Variants in LRRC41 observed in about 807,000 individuals in gnomAD.
The protein encoded by LRRC41 is leucine rich repeat containing 41.
Under a neutral mutation model 72.1 loss-of-function variants are expected in LRRC41, and 17 were observed. The ratio of observed to expected loss-of-function variants is 0.24; its 90% confidence interval spans 0.16 to 0.35. The LOEUF is 0.35. LRRC41 is among the 10% of genes least tolerant of loss of function. LRRC41 has a pLI of 1.00. For synonymous variants in LRRC41, 427 were observed against 431.0 expected, an observed-to-expected ratio of 0.99 and a Z score of 0.11; for missense variants, 759 against 1,065.0, an observed-to-expected ratio of 0.71 and a Z score of 4.00.
Position 46,280,619 on chromosome 1 carries a change from G to C in LRRC41, c.1757-59C>G. On this transcript the variant is annotated intron_variant, in intron 5 of 9. Transcript: ENST00000617190. ...CCATCTCTACCTCACTCCCATAGCAGGTCCCATCCTGTTCTTAAGGGATTC... is the reference window on the plus strand; with the variant it reads ...CCATCTCTACCTCACTCCCATAGCACGTCCCATCCTGTTCTTAAGGGATTC... 4 of 1,545,140 alleles carry C rather than the reference G, an allele frequency of 2.6e-6. No individual in the cohort carries two copies. The South Asian group carries it at 4.7e-5, about 18-fold the overall frequency.
Position 46,281,389 on chromosome 1 carries a change from T to G in LRRC41, c.1496-4A>C. 6.2e-7 allele frequency: 1 copy of G among 1,613,944 alleles called. No homozygotes were observed. Among genetic ancestry groups the G allele is most frequent in the Non-Finnish European group, 8.5e-7 (1 of 1,179,846 alleles). ...CGGAAGATGTTAGAGCCCAGGCCTATGGCAAGAAAGAGATTAAGTCAGAAC... is the reference window on the plus strand; with the variant it reads ...CGGAAGATGTTAGAGCCCAGGCCTAGGGCAAGAAAGAGATTAAGTCAGAAC... On this transcript the variant is annotated splice_region_variant and splice_polypyrimidine_tract_variant and intron_variant, in intron 4 of 9. Transcript: ENST00000617190.
Position 46,280,285 on chromosome 1 carries a change from T to G in LRRC41, c.1927A>C (p.Asn643His). 6.2e-7 allele frequency: 1 copy of G among 1,614,050 alleles called. No homozygotes were observed. Among genetic ancestry groups the G allele is most frequent in the Non-Finnish European group, 8.5e-7 (1 of 1,179,874 alleles). ...GLVLQTLKEY[N>H]LALKRLSFHD... is the part of the protein sequence containing the mutation. ...AAGCTCAGTCTTTTCAGGGCTAGGT[T>G]GTACTCTGGATAGGAGGCAGAGACC... Residue 643 changes from asparagine (N) to histidine (H), a missense_variant, in exon 7 of 10, where the codon AAC becomes CAC. This residue lies in a region of LRRC41 where 110 missense variants were observed against 227.0 expected (regional missense o/e 0.48). Coordinates refer to ENST00000617190, the MANE Select transcript of LRRC41 (RefSeq NM_006369.5).
At position 46,297,463 on chromosome 1, in the gene LRRC41, T is replaced by C. The variant is rs72883417; in HGVS notation, c.357+100A>G. Reference sequence around the variant, plus strand: ...CCCTCCTCCCAAATCCATTCCATCATTGCCTCTGCACTTTATCAGTACCCA... The same window carrying C: ...CCCTCCTCCCAAATCCATTCCATCACTGCCTCTGCACTTTATCAGTACCCA... On this transcript the variant is annotated intron_variant, in intron 3 of 9. Transcript: ENST00000617190. 3,454 of 927,026 alleles carry C rather than the reference T, an allele frequency of 3.7e-3. 50 individuals carry two copies. The highest frequency in any genetic ancestry group is 0.024 in the African/African-American group (1,489 of 61,506). The allele number at this position is 927,026 out of a possible 1,614,324, so 57.4% of individuals were successfully genotyped here.
At position 46,286,078 on chromosome 1, in the gene LRRC41, C is replaced by T. The variant is rs1247313198; in HGVS notation, c.779G>A (p.Gly260Asp). 1.2e-6 allele frequency: 2 copies of T among 1,609,860 alleles called. No homozygotes were observed. The highest frequency in any genetic ancestry group is 2.2e-5 in the East Asian group (1 of 44,804). The change falls in exon 4 of 10, where the codon GGC becomes GAC. Residue 260 changes from glycine (G) to aspartate (D), a missense_variant. Physicochemically the swap from Gly to Asp is moderately conservative, Grantham distance 94. This residue lies in a region of LRRC41 where 427 missense variants were observed against 520.9 expected (regional missense o/e 0.82). Transcript: ENST00000617190. The surrounding 1 kb of genome is among the most constrained non-coding windows in gnomAD (Gnocchi z 5.5). ...SAGFWQPGPG[G>D]PPCRLCGEAS... ...CTCTCCACAGAGGCGGCAGGGTGGG[C>T]CACCAGGCCCTGGTTGCCAGAAGCC...
Position 46,297,528 on chromosome 1 carries a change from A to G in LRRC41, c.357+35T>C, listed in dbSNP as rs753663052. 1.9e-5 allele frequency: 29 copies of G among 1,560,600 alleles called. No homozygotes were observed. In the South Asian group the frequency reaches 2.3e-4, roughly 13 times the overall value. On this transcript the variant is annotated intron_variant, in intron 3 of 9. Coordinates refer to ENST00000617190, the MANE Select transcript of LRRC41 (RefSeq NM_006369.5). Reference sequence around the variant, plus strand: ...GCTATTCCTGCTTTTACCATGCAAAATCAGGCTAGCATTCTACCTGATACC... The same window carrying G: ...GCTATTCCTGCTTTTACCATGCAAAGTCAGGCTAGCATTCTACCTGATACC...
At position 46,285,490 on chromosome 1, in the gene LRRC41, G is replaced by A; in HGVS notation, c.1367C>T (p.Ser456Leu). Residue 456 changes from serine (S) to leucine (L), a missense_variant, in exon 4 of 10, where the codon TCA (serine) becomes TTA (leucine). By Grantham distance (145) the Ser-to-Leu change is moderately radical (BLOSUM62 -2). Coordinates refer to ENST00000617190, the MANE Select transcript of LRRC41 (RefSeq NM_006369.5). This position sits in a 1 kb window ranked among gnomAD's most constrained non-coding sequence, Gnocchi z 5.3. ...GGTGGAGATGCTGCGGAATCTTTGT[G>A]AAGCTTCCAGTGCTGGAAGCCCCAG... Reference protein sequence around the residue: ...SCLGLPALEASQRFRSISTLE... With the variant: ...SCLGLPALEALQRFRSISTLE... 1 of 1,614,110 alleles carries A rather than the reference G, an allele frequency of 6.2e-7. No individual in the cohort carries two copies. Among genetic ancestry groups the A allele is most frequent in the African/African-American group, 1.3e-5 (1 of 75,020 alleles).
chr1:46,283,455 C>G (rs1028434373), intron 4 of LRRC41, among the ~76,000 whole-genome samples: 10 of 152,104 alleles, frequency 6.6e-5, no homozygotes, highest in Admixed American at 6.6e-4. Context: ...CCTGTCCTTA[C>G]TAAAAATATA....
In LRRC41 at chr1:46,279,516, G is replaced by A; in HGVS notation, c.2119C>T (p.Leu707Phe). 1.2e-6 allele frequency: 2 copies of A among 1,614,196 alleles called. No individual in the cohort carries two copies. Among genetic ancestry groups the A allele is most frequent in the Non-Finnish European group, 1.7e-6 (2 of 1,180,036 alleles). The change falls in exon 8 of 10, where the codon CTC (leucine) becomes TTC (phenylalanine). Residue 707 changes from leucine to phenylalanine, a missense_variant. Transcript: ENST00000617190. This position sits in a 1 kb window ranked among gnomAD's most constrained non-coding sequence, Gnocchi z 4.5. ...AMKGNSTLKG[L>F]RLPGNRLGNA... ...CCCAGGCGGTTCCCTGGCAGCCGGA[G>A]GCCCTTCAGTGTGGAGTTGCCCTTC...
chr1:46,279,070 T>C lies in LRRC41; in HGVS notation c.2234A>G (p.Lys745Arg), dbSNP rs761851625. 3 of 1,609,300 alleles carry C rather than the reference T, an allele frequency of 1.9e-6. No homozygotes were observed. Among genetic ancestry groups the C allele is most frequent in the Non-Finnish European group, 2.5e-6 (3 of 1,177,400 alleles). Reference sequence around the variant, plus strand: ...GGCGAACTCCAGAAGCCCATCTGGCTTGATGCAGTTGGAACTGGTAGGGTG... The same window carrying C: ...GGCGAACTCCAGAAGCCCATCTGGCCTGATGCAGTTGGAACTGGTAGGGTG... Reference protein sequence around the residue: ...CQLDISSNCIKPDGLLEFAKR... With the variant: ...CQLDISSNCIRPDGLLEFAKR... The change falls in exon 10 of 10, where the codon AAG (lysine) becomes AGG (arginine). Residue 745 changes from lysine (K) to arginine (R), a missense_variant. Lys to Arg is a conservative substitution (Grantham distance 26). Transcript: ENST00000617190. This position sits in a 1 kb window ranked among gnomAD's most constrained non-coding sequence, Gnocchi z 4.5.
At chr1:46,292,363 C>G (rs1661037726) in intron 3 of LRRC41, among the ~76,000 whole-genome samples, 1 of 152,014 alleles carries the variant, frequency 6.6e-6, no homozygotes, top group Non-Finnish European at 1.5e-5. Flanking sequence ...GTTCTAAAGT[C>G]TGGAATTACA....
chr1:46,279,362 C>T lies in LRRC41; in HGVS notation c.2144-105G>A, dbSNP rs747057256. ...GAACCAGCCCTGCTGGTTCCTGAAG[C>T]CCCAGCACAGAAATATCTGTATTCC... is the stretch of plus-strand genomic sequence containing the variant. On this transcript the variant is annotated intron_variant, in intron 8 of 9. Coordinates refer to ENST00000617190, the MANE Select transcript of LRRC41 (RefSeq NM_006369.5). The surrounding 1 kb of genome is among the most constrained non-coding windows in gnomAD (Gnocchi z 4.5). 2 of 1,570,706 alleles carry T rather than the reference C, an allele frequency of 1.3e-6. No individual in the cohort carries two copies. The highest frequency in any genetic ancestry group is 2.2e-5 in the East Asian group (1 of 44,632).
rs552873751 is a variant in LRRC41, at chr1:46,302,804, G to A, written c.199+320C>T. The A allele has an allele frequency of 4.9e-5, 48 of 985,178 alleles. No individual in the cohort carries two copies. The Admixed American group carries it at 1.7e-3, about 35-fold the overall frequency. The allele number at this position is 985,178 out of a possible 1,614,324, so 61.0% of individuals were successfully genotyped here. ...ACTCTCCTGCCCGGCCCAGCCGAGT[G>A]TCAGTTCGCGCGGCCCACAGCCGCA... is the stretch of plus-strand genomic sequence containing the variant. On this transcript the variant is annotated intron_variant, in intron 1 of 9. Coordinates refer to ENST00000617190, the MANE Select transcript of LRRC41 (RefSeq NM_006369.5). The surrounding 1 kb of genome is among the most constrained non-coding windows in gnomAD (Gnocchi z 4.7).
rs552873751 is a variant in LRRC41 at position 46,302,804 on chromosome 1, G to C, written c.199+320C>G. Reference sequence around the variant, plus strand: ...ACTCTCCTGCCCGGCCCAGCCGAGTGTCAGTTCGCGCGGCCCACAGCCGCA... The same window carrying C: ...ACTCTCCTGCCCGGCCCAGCCGAGTCTCAGTTCGCGCGGCCCACAGCCGCA... On this transcript the variant is annotated intron_variant, in intron 1 of 9. Transcript: ENST00000617190. The surrounding 1 kb of genome is among the most constrained non-coding windows in gnomAD (Gnocchi z 4.7). 1.0e-6 allele frequency: 1 copy of C among 985,060 alleles called. No individual in the cohort carries two copies. The highest frequency in any genetic ancestry group is 1.7e-5 in the African/African-American group (1 of 57,176). The allele number at this position is 985,060 out of a possible 1,614,324, so 61.0% of individuals were successfully genotyped here.
chr1:46,291,621 A>C (rs6686393), intron 3 of LRRC41, among the ~76,000 whole-genome samples: 2 of 145,070 alleles, frequency 1.4e-5, no homozygotes, highest in African/African-American at 2.6e-5. Flanking sequence ...GTGCAATGGC[A>C]CAATCTTGGC....
Position 46,285,419 on chromosome 1 carries a change from G to C in LRRC41, c.1438C>G (p.Leu480Val). Residue 480 changes from leucine to valine, a missense_variant, in exon 4 of 10, where the codon CTA becomes GTA. Transcript: ENST00000617190. The surrounding 1 kb of genome is among the most constrained non-coding windows in gnomAD (Gnocchi z 5.3). ...VPLSTEAALTLCHLLSSWVSL... is the reference protein window; with the variant it reads ...VPLSTEAALTVCHLLSSWVSL... ...ACCCAGGAGCTCAGCAGGTGGCATAGTGTCAGGGCTGCCTCTGTGGAGAGT... is the reference window on the plus strand; with the variant it reads ...ACCCAGGAGCTCAGCAGGTGGCATACTGTCAGGGCTGCCTCTGTGGAGAGT... 3 of 1,614,194 alleles carry C rather than the reference G, an allele frequency of 1.9e-6. No individual in the cohort carries two copies. Among genetic ancestry groups the C allele is most frequent in the Non-Finnish European group, 2.5e-6 (3 of 1,180,036 alleles).
chr1:46,281,213 A>C lies in LRRC41; in HGVS notation c.1668T>G (p.Arg556=), dbSNP rs767855560. 4 of 1,614,066 alleles carry C rather than the reference A, an allele frequency of 2.5e-6. No homozygotes were observed. The African/African-American group carries it at 5.3e-5, about 22-fold the overall frequency. Residue 556 remains arginine (R), a synonymous_variant, in exon 5 of 10, where the codon CGT becomes CGG. Coordinates refer to ENST00000617190, the MANE Select transcript of LRRC41 (RefSeq NM_006369.5). ...ALPLLRVLSI[R]VDHPSQRDNP... ...TGTCCCGCTGGCTTGGGTGGTCAAC[A>C]CGAATAGAGAGGACCCGTAGCAGGG...
chr1:46,292,130 G>C (rs535814376), intron 3 of LRRC41, among the ~76,000 whole-genome samples: 2 of 151,866 alleles, frequency 1.3e-5, no homozygotes, highest in South Asian at 4.2e-4. Context: ...CCTGGCCAAT[G>C]TGGTGAAACC....
chr1:46,286,433 C>G lies in LRRC41; in HGVS notation c.424G>C (p.Asp142His). Residue 142 changes from aspartate (D) to histidine (H), a missense_variant, in exon 4 of 10, where the codon GAT becomes CAT. Asp to His is a moderately conservative substitution (Grantham distance 81). Transcript: ENST00000617190. This position sits in a 1 kb window ranked among gnomAD's most constrained non-coding sequence, Gnocchi z 5.5. ...FFSHVLRGTI[D>H]VSSDRRLCDQ... is the part of the protein sequence containing the mutation. Reference sequence around the variant, plus strand: ...CAAAGACGCCTGTCAGAAGACACATCAATGGTCCCACGTAGAACATGGGAA... The same window carrying G: ...CAAAGACGCCTGTCAGAAGACACATGAATGGTCCCACGTAGAACATGGGAA... The G allele has an allele frequency of 6.2e-7, 1 of 1,614,112 alleles. No individual in the cohort carries two copies. Among genetic ancestry groups the G allele is most frequent in the Non-Finnish European group, 8.5e-7 (1 of 1,179,988 alleles).
Position 46,277,671 on chromosome 1 carries a change from T to C in LRRC41, c.*1194A>G. ...ACTGGGAAAATGGACCTCAGCTGAG[T>C]AGAGATAATGTTCTGGGACTCATAC... On this transcript the variant is annotated 3_prime_UTR_variant, in exon 10 of 10. Transcript: ENST00000617190. 1 of 912,216 alleles carries C rather than the reference T, an allele frequency of 1.1e-6. No homozygotes were observed. Among genetic ancestry groups the C allele is most frequent in the Non-Finnish European group, 1.7e-6 (1 of 581,020 alleles). 56.5% of individuals were successfully genotyped at this position (912,216 alleles called of 1,614,324 possible).
Sources: allele counts gnomAD v4.1 joint callset (sites outside exome capture counted in the v4.1 genomes callset), GRCh38; gene constraint gnomAD v4.1.1; regional missense constraint gnomAD v4.1.1; non-coding constraint Gnocchi (gnomAD v3.1); transcripts MANE v1.5; gene names NCBI Gene and HGNC (gene_info 2026-07-23, HGNC 2026-07-21).